AMMECR1: variants seen among roughly 807,000 people sequenced by gnomAD.
The protein encoded by AMMECR1 is AMMECR nuclear protein 1.
A neutral mutation model predicts 22.5 loss-of-function variants in AMMECR1; 3 were observed. The ratio of observed to expected loss-of-function variants is 0.13; its 90% CI spans 0.06 to 0.35. AMMECR1 has a LOEUF of 0.35. AMMECR1 is among the 10% of genes least tolerant of loss of function. The pLI, the probability that AMMECR1 is intolerant of heterozygous loss-of-function variation, is 1.00. For missense variants in AMMECR1, 235 were observed against 278.7 expected (o/e 0.84, Z 1.12); for synonymous variants, 130 against 116.7 (o/e 1.11, Z -0.74).
At chrX:110,210,918 A>G (rs1472688609) in intron 3 of AMMECR1, among the ~76,000 whole-genome samples, 1 of 111,620 alleles carries the variant, frequency 9.0e-6, no homozygotes, top group Non-Finnish European at 1.9e-5. Context: ...GGCATCATAC[A>G]ATAACTGTGC....
chrX:110,371,320 C>G (rs2068337195), intron 2 of AMMECR1, among the ~76,000 whole-genome samples: 1 of 110,851 alleles, frequency 9.0e-6, no homozygotes. Context: ...TGTTCTGATA[C>G]AGGCATGCAA....
At chrX:110,386,909 A>G (rs770414363) in intron 2 of AMMECR1, among the ~76,000 whole-genome samples, 85 of 112,427 alleles carry the variant, frequency 7.6e-4, no homozygotes, top group Non-Finnish European at 1.3e-3. Flanking sequence ...TTAAATAATT[A>G]TAACATGTTT....
chrX:110,201,970 A>G (rs1298070363), intron 4 of AMMECR1, among the ~76,000 whole-genome samples: 2 of 111,880 alleles, frequency 1.8e-5, no homozygotes, highest in African/African-American at 6.5e-5. Context: ...TAAAACACTA[A>G]CACTTCATGT....
intron 2 of AMMECR1, among the ~76,000 whole-genome samples, chrX:110,223,691 T>C (rs1038213549): frequency 1.5e-4 from 17 of 112,042 alleles, no homozygotes; most frequent in South Asian, 7.4e-4. Context: ...AATCCCAAAT[T>C]AGTATTACTT....
chrX:110,438,379 T>A (rs1005608170), intron 1 of AMMECR1, among the ~76,000 whole-genome samples: 1 of 111,885 alleles, frequency 8.9e-6, no homozygotes, highest in African/African-American at 3.2e-5. Context: ...GGACATAAAA[T>A]TCAGGCTTCT....
chrX:110,398,595 G>A lies in AMMECR1; in HGVS notation c.-148+28063C>T, dbSNP rs766870511. Among the ~76,000 whole-genome samples, 3 of 111,687 alleles carry A rather than the reference G, an allele frequency of 2.7e-5. No homozygotes were observed. The East Asian group carries it at 8.5e-4, about 32-fold the overall frequency. On this transcript the variant is annotated intron_variant, in intron 2 of 7. Coordinates refer to the AMMECR1 transcript ENST00000372057. ...TGGGGCTCAGAGAGGTTAGTGACTT[G>A]CCCAAGGTCATAGAACTAGGACACA...
intron 1 of AMMECR1, among the ~76,000 whole-genome samples, chrX:110,427,159 G>A (rs1302427152): frequency 1.8e-5 from 2 of 111,934 alleles, no homozygotes; most frequent in Admixed American, 1.9e-4. Context: ...GACATCTCTT[G>A]CCTTGATTCC....
In AMMECR1 at chrX:110,303,378, G is replaced by A. The variant is rs936989354; in HGVS notation, c.473+14221C>T. Among the ~76,000 whole-genome samples the A allele has an allele frequency of 2.5e-4, 28 of 111,981 alleles. No individual in the cohort carries two copies. The Admixed American group carries it at 2.6e-3, about 11-fold the overall frequency. ...TGCCTGCCTATTTGAGATGCACGTT[G>A]TTTGAAGTCTGTGAAAAATGAAGTT... is the stretch of plus-strand genomic sequence containing the variant. On this transcript the variant is annotated intron_variant, in intron 1 of 5. Transcript: ENST00000262844.
intron 2 of AMMECR1, among the ~76,000 whole-genome samples, chrX:110,243,229 A>T (rs7062603): frequency 5.9e-4 from 66 of 112,157 alleles, no homozygotes; most frequent in African/African-American, 2.1e-3. Flanking sequence ...GAAACCTTCC[A>T]GCCACCTAGC....
intron 1 of AMMECR1, among the ~76,000 whole-genome samples, chrX:110,289,285 G>A (rs866774715): frequency 3.6e-5 from 4 of 111,141 alleles, no homozygotes; most frequent in Non-Finnish European, 7.5e-5. Context: ...GGTACAGAAG[G>A]CACATAAAGC....
At chrX:110,333,447 G>A (rs1172981552) in intron 2 of AMMECR1, among the ~76,000 whole-genome samples, 14 of 111,547 alleles carry the variant, frequency 1.3e-4, no homozygotes, top group African/African-American at 4.6e-4. Context: ...TCTAGAACTA[G>A]AAATACCATT....
chrX:110,397,928 G>A (rs1310568178), intron 2 of AMMECR1, among the ~76,000 whole-genome samples: 1 of 112,260 alleles, frequency 8.9e-6, no homozygotes, highest in Admixed American at 9.4e-5. Flanking sequence ...TGATTCTAAA[G>A]CTGACAAGAA....
intron 2 of AMMECR1, among the ~76,000 whole-genome samples, chrX:110,354,141 C>T (rs764802891): frequency 1.3e-3 from 140 of 111,678 alleles, no homozygotes; most frequent in African/African-American, 4.3e-3. Flanking sequence ...ATTCCAGTGT[C>T]ATTTTTCACA....
At chrX:110,431,763 C>T (rs1332296739) in intron 1 of AMMECR1, among the ~76,000 whole-genome samples, 1 of 111,908 alleles carries the variant, frequency 8.9e-6, no homozygotes, top group Non-Finnish European at 1.9e-5. Context: ...CCAGGACTCA[C>T]TGCTAGAAAA....
intron 4 of AMMECR1, 92 bp from the exon 5 acceptor site, chrX:110,201,142 CA>C (rs1371761110): frequency 1.0e-5 from 5 of 498,054 alleles, no homozygotes; most frequent in Non-Finnish European, 1.6e-5. Context: ...GGTCAGCTAT[CA>C]CTGTCACCAA....
intron 2 of AMMECR1, among the ~76,000 whole-genome samples, chrX:110,229,899 A>G (rs1602800419): frequency 8.9e-6 from 1 of 112,824 alleles, no homozygotes; most frequent in South Asian, 3.6e-4. Flanking sequence ...AGCCTTGCTT[A>G]CTGCTAGCAC....
chrX:110,391,204 T>A (rs868251907), intron 2 of AMMECR1, among the ~76,000 whole-genome samples: 5 of 111,389 alleles, frequency 4.5e-5, no homozygotes, highest in Middle Eastern at 4.7e-3. Flanking sequence ...CCTTGTTTGG[T>A]TTTCCCCACA....
intron 2 of AMMECR1, among the ~76,000 whole-genome samples, chrX:110,239,895 T>C (rs766082518): frequency 8.9e-6 from 1 of 111,775 alleles, no homozygotes; most frequent in South Asian, 3.8e-4. Flanking sequence ...TGGGGGCCAA[T>C]ATTCATTCAA....
At chrX:110,395,824 T>C (rs1013922537) in intron 2 of AMMECR1, among the ~76,000 whole-genome samples, 2 of 110,545 alleles carry the variant, frequency 1.8e-5, no homozygotes, top group African/African-American at 6.6e-5. Flanking sequence ...CAGCAGTCAG[T>C]GATCTCCAAC....
Sources: allele counts gnomAD v4.1 joint callset (sites outside exome capture counted in the v4.1 genomes callset), GRCh38; gene constraint gnomAD v4.1.1; transcripts MANE v1.5; gene names NCBI Gene and HGNC (gene_info 2026-07-23, HGNC 2026-07-21).